PPAT: variants seen among roughly 807,000 people sequenced by gnomAD.
PPAT encodes the protein phosphoribosyl pyrophosphate amidotransferase.
In PPAT, 20 loss-of-function variants were observed where a neutral mutation model predicts 60.2. The ratio of observed to expected loss-of-function variants is 0.33; its 90% CI spans 0.23 to 0.48. The LOEUF (loss-of-function observed/expected upper bound fraction) is 0.48. Ranked by LOEUF, PPAT falls within the 20% of genes least tolerant of loss-of-function variation. The probability of loss-of-function intolerance (pLI) is 0.99; values close to 1 mark genes in which losing one functional copy is unlikely to be tolerated. For missense variants in PPAT, 349 were observed against 629.6 expected, an observed-to-expected ratio of 0.55 and a Z score of 4.77; for synonymous variants, 194 against 215.1, an observed-to-expected ratio of 0.90 and a Z score of 0.86.
chr4:56,395,206 G>GAA lies in PPAT; in HGVS notation c.*144_*145dup, dbSNP rs34605681. On this transcript the variant is annotated 3_prime_UTR_variant, in exon 11 of 11. Coordinates refer to ENST00000264220, the MANE Select transcript of PPAT (RefSeq NM_002703.5). ...TTATCGCACTTTGGTATCCTTTTCA[G>GAA]AAAAAAAAAAAATCTCAAAACTTAT... 0.017 allele frequency: 10,598 copies of GAA among 609,504 alleles called. 159 individuals are homozygous for GAA. Among genetic ancestry groups the GAA allele is most frequent in the African/African-American group, 0.083 (4,056 of 48,936 alleles). 37.8% of individuals were successfully genotyped at this position (609,504 alleles called of 1,614,324 possible).
intron 1 of PPAT, chr4:56,419,875 ACAAGATCGTAAGAACAGCT>A: frequency 3.0e-6 from 3 of 984,386 alleles, no homozygotes; most frequent in Non-Finnish European, 3.6e-6. Flanking sequence ...AAACACGAAT[ACAAGATCGTAAGAACAGCT>A]CAAGATCTAG....
chr4:56,416,451 G>A, intron 1 of PPAT: 8 of 431,956 alleles, frequency 1.9e-5, no homozygotes, highest in Non-Finnish European at 2.5e-5. Flanking sequence ...ATAGTATAAT[G>A]GATGGGACAG....
At chr4:56,400,731 C>T (rs1716089090) in intron 8 of PPAT, 53 bp downstream of exon 8, 1 of 1,522,716 alleles carries the variant, frequency 6.6e-7, no homozygotes, top group African/African-American at 1.4e-5. Context: ...GCAAGGGTTT[C>T]TTATTCCACA....
At chr4:56,424,349 T>C (rs1717186958) in intron 1 of PPAT, among the ~76,000 whole-genome samples, 1 of 152,190 alleles carries the variant, frequency 6.6e-6, no homozygotes, top group African/African-American at 2.4e-5. Context: ...CCCGTATTTT[T>C]AGACGGTTCT....
chr4:56,395,502 A>G lies in PPAT; in HGVS notation c.1404T>C (p.Ser468=), dbSNP rs1715947989. 2 of 1,606,230 alleles carry G rather than the reference A, an allele frequency of 1.2e-6. No individual in the cohort carries two copies. The highest frequency in any genetic ancestry group is 1.7e-5 in the Admixed American group (1 of 58,416). The change falls in exon 11 of 11, where the codon TCT becomes TCC. Residue 468 remains serine, a synonymous_variant. Coordinates refer to ENST00000264220, the MANE Select transcript of PPAT (RefSeq NM_002703.5). ...VYLSVEGLVS[S]VQEGIKFKKQ... ...TTTTAAACTTTATCCCTTCTTGTACAGATGAAACCAGTCCTTCTACTGACA... is the reference window on the plus strand; with the variant it reads ...TTTTAAACTTTATCCCTTCTTGTACGGATGAAACCAGTCCTTCTACTGACA...
Position 56,396,834 on chromosome 4 carries a change from G to A in PPAT, c.1237-95C>T, listed in dbSNP as rs1400442058. ...ACAAAATTGTTTTGCAGAATATTCA[G>A]TAACAACATATGGGTAATAAATTAT... On this transcript the variant is annotated intron_variant, in intron 9 of 10. Coordinates refer to ENST00000264220, the MANE Select transcript of PPAT (RefSeq NM_002703.5). This position sits in a 1 kb window ranked among gnomAD's most constrained non-coding sequence, Gnocchi z 4.6. The A allele has an allele frequency of 2.4e-6, 3 of 1,255,336 alleles. No homozygotes were observed. The highest frequency in any genetic ancestry group is 3.3e-6 in the Non-Finnish European group (3 of 914,378). 77.8% of individuals were successfully genotyped at this position (1,255,336 alleles called of 1,614,324 possible). A position where few individuals can be genotyped will look rare whatever the true frequency, so the allele number is the denominator to read the frequency against.
chr4:56,401,585 CAATT>C, intron 6 of PPAT, 104 bp from the exon 7 acceptor site: 15 of 1,006,366 alleles, frequency 1.5e-5, no homozygotes, highest in Non-Finnish European at 2.2e-5. Flanking sequence ...CTTAGAGAAA[CAATT>C]GATTCATTCA....
At chr4:56,424,795 C>T (rs1717207320) in intron 1 of PPAT, among the ~76,000 whole-genome samples, 2 of 152,208 alleles carry the variant, frequency 1.3e-5, no homozygotes, top group South Asian at 2.1e-4. Context: ...CTTAATTCCG[C>T]TCCAATATCA....
chr4:56,410,881 C>T, intron 1 of PPAT: 1 of 930,544 alleles, frequency 1.1e-6, no homozygotes, highest in Non-Finnish European at 1.3e-6. Flanking sequence ...CAAGTACAGC[C>T]CCAGAGACCA....
chr4:56,405,463 A>G (rs1716221267), intron 3 of PPAT, among the ~76,000 whole-genome samples: 1 of 152,172 alleles, frequency 6.6e-6, no homozygotes, highest in Non-Finnish European at 1.5e-5. Flanking sequence ...CATCAGTATG[A>G]GGGCTAGTTG....
intron 1 of PPAT, among the ~76,000 whole-genome samples, chr4:56,417,920 A>C (rs554523936): frequency 1.9e-4 from 28 of 149,386 alleles, no homozygotes; most frequent in African/African-American, 7.0e-4. Context: ...GGCTCACTGC[A>C]ATCCTGCCTC....
intron 1 of PPAT, among the ~76,000 whole-genome samples, chr4:56,408,669 G>A (rs930097475): frequency 4.7e-5 from 7 of 150,282 alleles, no homozygotes; most frequent in African/African-American, 1.7e-4. Context: ...CAGGAGAACG[G>A]CGTGAACCCA....
At chr4:56,401,768 C>T (rs1353889323) in intron 6 of PPAT, among the ~76,000 whole-genome samples, 1 of 152,098 alleles carries the variant, frequency 6.6e-6, no homozygotes, top group Non-Finnish European at 1.5e-5. Flanking sequence ...TCCTGGCTTA[C>T]ATTTTTCTGT....
At position 56,410,224 on chromosome 4, in the gene PPAT, G is replaced by C. The variant is rs1275340586; in HGVS notation, c.129-2508C>G. On this transcript the variant is annotated intron_variant, in intron 1 of 10. Coordinates refer to ENST00000264220, the MANE Select transcript of PPAT (RefSeq NM_002703.5). ...AAATCAACAATCATTTGGTAAAACA[G>C]TAAATTATGTAAGAAAAGAAATACA... Among the ~76,000 whole-genome samples the C allele has an allele frequency of 2.6e-5, 4 of 152,144 alleles. No individual in the cohort carries two copies. The East Asian group carries it at 5.8e-4, about 22-fold the overall frequency.
chr4:56,429,733 C>G (rs1227037623), intron 1 of PPAT, among the ~76,000 whole-genome samples: 1 of 152,138 alleles, frequency 6.6e-6, no homozygotes, highest in African/African-American at 2.4e-5. Flanking sequence ...CACACCAAAT[C>G]CACCATTCAG....
intron 1 of PPAT, among the ~76,000 whole-genome samples, chr4:56,423,977 G>GA (rs1034901147): frequency 4.6e-5 from 7 of 152,072 alleles, no homozygotes; most frequent in African/African-American, 1.7e-4. Context: ...TATCTTCAGG[G>GA]AAAAAAATTC....
chr4:56,429,005 G>A, intron 1 of PPAT: 3 of 963,692 alleles, frequency 3.1e-6, no homozygotes, highest in South Asian at 9.6e-5. Flanking sequence ...ACATGAAGAT[G>A]GTAAGAGCCA....
At chr4:56,416,905 A>G (rs1303126196) in intron 1 of PPAT, among the ~76,000 whole-genome samples, 4 of 152,168 alleles carry the variant, frequency 2.6e-5, no homozygotes, top group African/African-American at 9.7e-5. Flanking sequence ...GCTGGAGTGC[A>G]GTGTCATGAT....
At chr4:56,412,285 T>C (rs1716499962) in intron 1 of PPAT, among the ~76,000 whole-genome samples, 1 of 151,144 alleles carries the variant, frequency 6.6e-6, no homozygotes, top group African/African-American at 2.4e-5. Flanking sequence ...AATTCCAAAA[T>C]CAAACTCTCT....
Sources: allele counts gnomAD v4.1 joint callset (sites outside exome capture counted in the v4.1 genomes callset), GRCh38; gene constraint gnomAD v4.1.1; non-coding constraint Gnocchi (gnomAD v3.1); transcripts MANE v1.5; gene names NCBI Gene and HGNC (gene_info 2026-07-23, HGNC 2026-07-21).